Variants in ADGRL3 observed in about 807,000 individuals in gnomAD.
ADGRL3 encodes the protein calcium-independent alpha-latrotoxin receptor 3.
ADGRL3 carries 62 observed loss-of-function variants against 153.5 expected under a neutral mutation model. The observed-to-expected ratio is 0.40, with a 90% CI of 0.33 to 0.50. The LOEUF (loss-of-function observed/expected upper bound fraction) is 0.50, where lower values mean the gene tolerates loss of function less well. Among genes scored for constraint, ADGRL3 ranks in the 20% least tolerant of loss-of-function variants. The pLI, the probability that ADGRL3 is intolerant of heterozygous loss-of-function variation, is 0.47. For synonymous variants in ADGRL3, 710 were observed against 672.5 expected, an observed-to-expected ratio of 1.06 and a Z score of -0.86; for missense variants, 1,641 against 1,859.4, an observed-to-expected ratio of 0.88 and a Z score of 2.16.
At chr4:61,965,210 G>A (rs2099001790) in intron 17 of ADGRL3, among the ~76,000 whole-genome samples, 1 of 151,748 alleles carries the variant, frequency 6.6e-6, no homozygotes, top group South Asian at 2.1e-4. Context: ...TGTTGCCCAG[G>A]CTGGTCTCGA....
chr4:61,871,641 A>C (rs1319580837), intron 9 of ADGRL3, among the ~76,000 whole-genome samples: 1 of 152,188 alleles, frequency 6.6e-6, no homozygotes, highest in Non-Finnish European at 1.5e-5. Context: ...AATGACTACT[A>C]TTGAGCAAGG....
chr4:61,214,144 A>G (rs1291331767), intron 1 of ADGRL3, among the ~76,000 whole-genome samples: 1 of 152,196 alleles, frequency 6.6e-6, no homozygotes. Context: ...CTGCACATAC[A>G]CCAATATATA....
At chr4:61,647,392 C>G (rs2094061386) in intron 5 of ADGRL3, among the ~76,000 whole-genome samples, 1 of 152,074 alleles carries the variant, frequency 6.6e-6, no homozygotes, top group Admixed American at 6.6e-5. Flanking sequence ...GTTTTATTAT[C>G]TTAGAAAGAC....
At chr4:61,954,707 C>T (rs2098959836) in intron 17 of ADGRL3, among the ~76,000 whole-genome samples, 1 of 152,066 alleles carries the variant, frequency 6.6e-6, no homozygotes, top group Non-Finnish European at 1.5e-5. Flanking sequence ...AAGTGTCTTT[C>T]TCTTCTCAAC....
intron 4 of ADGRL3, among the ~76,000 whole-genome samples, chr4:61,527,156 T>A (rs1263644787): frequency 6.6e-6 from 1 of 152,044 alleles, no homozygotes; most frequent in African/African-American, 2.4e-5. Flanking sequence ...AATATATAGA[T>A]TTCTCAATTT....
intron 1 of ADGRL3, among the ~76,000 whole-genome samples, chr4:61,209,301 A>C (rs559757825): frequency 6.6e-6 from 1 of 152,218 alleles, no homozygotes; most frequent in South Asian, 2.1e-4. Flanking sequence ...CAAATGTGCA[A>C]GTTTCTGGCT....
intron 1 of ADGRL3, among the ~76,000 whole-genome samples, chr4:61,306,259 G>A (rs1035318870): frequency 7.9e-5 from 12 of 151,706 alleles, no homozygotes; most frequent in East Asian, 5.9e-4. Context: ...CACCACGCCC[G>A]GCTAATTTTT....
At chr4:61,799,461 A>G (rs2097461560) in intron 8 of ADGRL3, among the ~76,000 whole-genome samples, 1 of 152,010 alleles carries the variant, frequency 6.6e-6, no homozygotes, top group African/African-American at 2.4e-5. Flanking sequence ...CTAAACTTTT[A>G]AAAATAGAGG....
chr4:61,635,109 A>G (rs2150077750), intron 5 of ADGRL3, among the ~76,000 whole-genome samples: 1 of 152,242 alleles, frequency 6.6e-6, no homozygotes, highest in East Asian at 1.9e-4. Flanking sequence ...CCTTACACTG[A>G]GCAAGTGGCA....
At chr4:61,928,969 G>A (rs927222020) in intron 13 of ADGRL3, among the ~76,000 whole-genome samples, 2 of 152,112 alleles carry the variant, frequency 1.3e-5, no homozygotes, top group African/African-American at 4.8e-5. Flanking sequence ...AAATGAATAT[G>A]ATGTCTTCTC....
intron 9 of ADGRL3, among the ~76,000 whole-genome samples, chr4:61,854,230 A>G: frequency 6.6e-6 from 1 of 152,204 alleles, no homozygotes; most frequent in South Asian, 2.1e-4. Context: ...AAGTAAAAGT[A>G]GGAAACAGAA....
At chr4:61,258,309 C>T (rs1370326023) in intron 1 of ADGRL3, among the ~76,000 whole-genome samples, 1 of 152,190 alleles carries the variant, frequency 6.6e-6, no homozygotes, top group Non-Finnish European at 1.5e-5. Flanking sequence ...ATCCTCTCTA[C>T]ATACAGCTCT....
At chr4:61,939,984 G>A (rs1175493840) in intron 15 of ADGRL3, among the ~76,000 whole-genome samples, 1 of 148,192 alleles carries the variant, frequency 6.7e-6, no homozygotes, top group Non-Finnish European at 1.5e-5. Context: ...CATTGTGCAG[G>A]TTAGTTACAT....
intron 11 of ADGRL3, among the ~76,000 whole-genome samples, chr4:61,902,093 G>A (rs1235352764): frequency 1.3e-5 from 2 of 152,166 alleles, no homozygotes; most frequent in Admixed American, 6.6e-5. Context: ...TAACTGGAGT[G>A]AGAGAAGTAA....
chr4:61,913,089 A>G (rs75354171), intron 13 of ADGRL3, among the ~76,000 whole-genome samples: 2,509 of 152,202 alleles, frequency 0.016, 77 homozygotes, highest in African/African-American at 0.055. Flanking sequence ...GTCAGCCAAT[A>G]TTTGAGTAGC....
At chr4:62,039,770 A>G (rs1231864055) in intron 24 of ADGRL3, among the ~76,000 whole-genome samples, 1 of 152,102 alleles carries the variant, frequency 6.6e-6, no homozygotes, top group Non-Finnish European at 1.5e-5. Flanking sequence ...TCTTTTTGTA[A>G]TAACTTTTTC....
rs139239860 is a variant in ADGRL3, at chr4:62,012,720, G to A, written c.3395+14455G>A. Among the ~76,000 whole-genome samples the A allele has an allele frequency of 3.7e-3, 557 of 152,266 alleles. 4 individuals carry two copies. Among genetic ancestry groups the A allele is most frequent in the Non-Finnish European group, 6.8e-3 (460 of 68,036 alleles). Reference sequence around the variant, plus strand: ...CTTTAATCCTGATATTGACTGGATAGCAATGATCGTTAAGGGCCCTGTGTT... The same window carrying A: ...CTTTAATCCTGATATTGACTGGATAACAATGATCGTTAAGGGCCCTGTGTT... On this transcript the variant is annotated intron_variant, in intron 21 of 26. Transcript: ENST00000683033.
chr4:61,344,449 C>T (rs905047934), intron 1 of ADGRL3, among the ~76,000 whole-genome samples: 4 of 152,180 alleles, frequency 2.6e-5, no homozygotes, highest in South Asian at 4.1e-4. Flanking sequence ...AATTCTGCAG[C>T]ATATGAATCC....
At chr4:61,510,803 A>G (rs2098459523) in intron 3 of ADGRL3, among the ~76,000 whole-genome samples, 1 of 152,098 alleles carries the variant, frequency 6.6e-6, no homozygotes, top group South Asian at 2.1e-4. Flanking sequence ...AAAAACTGAC[A>G]TTGATAGTTT....
Sources: allele counts gnomAD v4.1 joint callset (sites outside exome capture counted in the v4.1 genomes callset), GRCh38; gene constraint gnomAD v4.1.1; transcripts MANE v1.5; gene names NCBI Gene and HGNC (gene_info 2026-07-23, HGNC 2026-07-21).